ARL13B: variants seen among roughly 807,000 people sequenced by gnomAD.
The protein encoded by ARL13B is ADP-ribosylation factor-like protein 13B.
Under a neutral mutation model 56.1 loss-of-function variants are expected in ARL13B, and 36 were observed. The observed-to-expected ratio is 0.64, with a 90% CI of 0.49 to 0.85. The LOEUF (loss-of-function observed/expected upper bound fraction) is 0.85. Ranked by LOEUF, ARL13B falls within the 40% of genes least tolerant of loss-of-function variation. The probability of loss-of-function intolerance (pLI) is 0.00; values close to 1 mark genes in which losing one functional copy is unlikely to be tolerated. For missense variants in ARL13B, 519 were observed against 507.1 expected, an observed-to-expected ratio of 1.02 and a Z score of -0.23; for synonymous variants, 178 against 171.1, an observed-to-expected ratio of 1.04 and a Z score of -0.32.
chr3:93,982,991 TTTG>T (rs1328181855), intron 1 of ARL13B, among the ~76,000 whole-genome samples: 5 of 152,194 alleles, frequency 3.3e-5, no homozygotes, highest in Non-Finnish European at 7.4e-5. Flanking sequence ...TATGTATATA[TTTG>T]TTTTCTGTAG....
At position 93,995,874 on chromosome 3, in the gene ARL13B, A is replaced by G. The variant is rs765240700; in HGVS notation, c.60A>G (p.Arg20=). Residue 20 remains arginine (R), a splice_region_variant and synonymous_variant, in exon 2 of 10, where the codon AGA becomes AGG. Transcript: ENST00000394222. The stretch of plus-strand genomic sequence containing the variant: ...ATTTTTAAATTTCTATTATTTTAAG[A>G]AAGGTGACTCTTTTGATGGTGGGAC... ...GWFKRWREPV[R]KVTLLMVGLD... 13 of 1,609,862 alleles carry G rather than the reference A, an allele frequency of 8.1e-6. No homozygotes were observed. In the African/African-American group the frequency reaches 1.7e-4, roughly 22 times the overall value.
intron 2 of ARL13B, among the ~76,000 whole-genome samples, chr3:93,999,286 G>A (rs1314937426): frequency 6.6e-6 from 1 of 151,826 alleles, no homozygotes; most frequent in Non-Finnish European, 1.5e-5. Context: ...TTGTCATCTA[G>A]GCTGGAGTTC....
At chr3:94,016,470 CA>C (rs1384809462) in intron 3 of ARL13B, among the ~76,000 whole-genome samples, 1 of 151,704 alleles carries the variant, frequency 6.6e-6, no homozygotes, top group East Asian at 1.9e-4. Context: ...GGTAGGGATT[CA>C]AATATTAAAA....
intron 6 of ARL13B, among the ~76,000 whole-genome samples, chr3:94,041,520 C>T (rs1403616766): frequency 6.6e-6 from 1 of 151,884 alleles, no homozygotes; most frequent in Non-Finnish European, 1.5e-5. Context: ...GACAAGCAAG[C>T]CACAAATCAT....
intron 3 of ARL13B, among the ~76,000 whole-genome samples, chr3:94,023,218 G>A (rs760021911): frequency 7.9e-5 from 12 of 152,004 alleles, no homozygotes; most frequent in Non-Finnish European, 1.3e-4. Flanking sequence ...GTGGATATAA[G>A]TTTCAGTTGG....
Position 94,053,358 on chromosome 3 carries a change from G to A in ARL13B, c.*95G>A. The A allele has an allele frequency of 1.8e-6, 2 of 1,100,168 alleles. No individual in the cohort carries two copies. Among genetic ancestry groups the A allele is most frequent in the Non-Finnish European group, 2.8e-6 (2 of 727,082 alleles). 68.2% of individuals were successfully genotyped at this position (1,100,168 alleles called of 1,614,324 possible). ...GAAACATCTTGTAAATTGATGACTG[G>A]GGCAAGATAACCATAATAATTTTAG... On this transcript the variant is annotated 3_prime_UTR_variant, in exon 10 of 10. Coordinates refer to ENST00000394222, the MANE Select transcript of ARL13B (RefSeq NM_001174150.2).
chr3:93,981,865 C>CAAAAAA (rs11396818), intron 1 of ARL13B, among the ~76,000 whole-genome samples: 13 of 68,366 alleles, frequency 1.9e-4, no homozygotes, highest in East Asian at 4.7e-4. Flanking sequence ...AACCCTGTCT[C>CAAAAAA]AAAAAAAAAA....
intron 7 of ARL13B, among the ~76,000 whole-genome samples, chr3:94,046,779 T>G (rs1161581616): frequency 6.6e-6 from 1 of 152,228 alleles, no homozygotes; most frequent in Non-Finnish European, 1.5e-5. Flanking sequence ...CAAACTTTAT[T>G]GGTACAACAT....
chr3:94,023,686 T>G (rs947277537), intron 3 of ARL13B, among the ~76,000 whole-genome samples: 1 of 152,160 alleles, frequency 6.6e-6, no homozygotes, highest in Non-Finnish European at 1.5e-5. Context: ...TAGACATATC[T>G]ACTTGATTGC....
intron 8 of ARL13B, 97 bp downstream of exon 8, chr3:94,049,619 A>G (rs1042248096): frequency 2.1e-6 from 2 of 930,898 alleles, no homozygotes; most frequent in Admixed American, 4.5e-5. Context: ...TTTATTCTGT[A>G]TATTCATTAT....
chr3:94,053,485 C>T lies in ARL13B; in HGVS notation c.*222C>T. The T allele has an allele frequency of 1.5e-6, 1 of 653,972 alleles. No homozygotes were observed. Among genetic ancestry groups the T allele is most frequent in the Non-Finnish European group, 2.8e-6 (1 of 356,612 alleles). The allele number at this position is 653,972 out of a possible 1,614,324, so 40.5% of individuals were successfully genotyped here. A position where few individuals can be genotyped will look rare whatever the true frequency, so the allele number is the denominator to read the frequency against. On this transcript the variant is annotated 3_prime_UTR_variant, in exon 10 of 10. Transcript: ENST00000394222. Reference sequence around the variant, plus strand: ...CACAATGACCAGTACATGAAATCAGCATTTGGACCAAATTAGCAAGATTTA... The same window carrying T: ...CACAATGACCAGTACATGAAATCAGTATTTGGACCAAATTAGCAAGATTTA...
At chr3:93,990,452 A>G (rs1056342813) in intron 1 of ARL13B, among the ~76,000 whole-genome samples, 1 of 152,182 alleles carries the variant, frequency 6.6e-6, no homozygotes, top group Non-Finnish European at 1.5e-5. Context: ...AATTTCATTT[A>G]TGTTGTATAT....
At chr3:94,038,260 G>C (rs1248585216) in intron 5 of ARL13B, among the ~76,000 whole-genome samples, 1 of 152,094 alleles carries the variant, frequency 6.6e-6, no homozygotes, top group Non-Finnish European at 1.5e-5. Context: ...CTATGAAGTG[G>C]TTATTTTTAT....
chr3:94,050,205 A>C (rs1576060837), intron 8 of ARL13B, among the ~76,000 whole-genome samples: 2 of 151,818 alleles, frequency 1.3e-5, no homozygotes, highest in East Asian at 3.9e-4. Context: ...TTTCATCCTG[A>C]AAGTTAATGT....
chr3:94,025,720 T>C (rs2076542874), intron 3 of ARL13B, among the ~76,000 whole-genome samples: 1 of 152,140 alleles, frequency 6.6e-6, no homozygotes, highest in African/African-American at 2.4e-5. Flanking sequence ...GTAGCCCAGG[T>C]AGTATTATGT....
intron 1 of ARL13B, among the ~76,000 whole-genome samples, chr3:93,980,726 AGTGTGTGTGTGTGTGTGT>A (rs35756044): frequency 8.7e-4 from 128 of 147,066 alleles, no homozygotes; most frequent in African/African-American, 3.1e-3. Flanking sequence ...TTTGTTAAAA[AGTGTGTGTGTGTGTGTGT>A]GTGTGTGTGT....
intron 1 of ARL13B, among the ~76,000 whole-genome samples, chr3:93,986,333 G>T (rs1423613458): frequency 1.3e-5 from 2 of 152,114 alleles, no homozygotes; most frequent in Admixed American, 1.3e-4. Context: ...TTTAGATAAT[G>T]ATTTTGCTGT....
chr3:94,037,895 T>C (rs1042777173), intron 5 of ARL13B, among the ~76,000 whole-genome samples: 8 of 152,130 alleles, frequency 5.3e-5, no homozygotes, highest in Non-Finnish European at 1.2e-4. Flanking sequence ...TTTCCAATAC[T>C]CCTTACCCTT....
chr3:93,990,172 T>G (rs1339624946), intron 1 of ARL13B, among the ~76,000 whole-genome samples: 1 of 151,682 alleles, frequency 6.6e-6, no homozygotes, highest in South Asian at 2.1e-4. Flanking sequence ...GCCTGGCTAA[T>G]TTTTTTTGTA....
Sources: allele counts gnomAD v4.1 joint callset (sites outside exome capture counted in the v4.1 genomes callset), GRCh38; gene constraint gnomAD v4.1.1; transcripts MANE v1.5; gene names NCBI Gene and HGNC (gene_info 2026-07-23, HGNC 2026-07-21).